Variants in FAM167A observed in about 807,000 individuals in gnomAD.
FAM167A encodes protein FAM167A.
A neutral mutation model predicts 14.9 loss-of-function variants in FAM167A; 23 were observed. The ratio of observed to expected loss-of-function variants is 1.55; its 90% confidence interval spans 1.11 to 2.19. The LOEUF is 2.19. Ranked by LOEUF, FAM167A falls within the 30% of genes most tolerant of loss-of-function variation. FAM167A has a pLI of 0.00. For missense variants in FAM167A, 401 were observed against 281.5 expected (o/e 1.42, Z -3.04); for synonymous variants, 174 against 117.7 (o/e 1.48, Z -3.10).
At chr8:11,475,573 T>C (rs1427279516) in intron 1 of FAM167A, among the ~76,000 whole-genome samples, 1 of 152,060 alleles carries the variant, frequency 6.6e-6, no homozygotes, top group East Asian at 1.9e-4. Flanking sequence ...ATCATACTCC[T>C]TCTGAACCTC....
intron 2 of FAM167A, among the ~76,000 whole-genome samples, chr8:11,429,356 A>G (rs895030468): frequency 6.6e-6 from 1 of 152,136 alleles, no homozygotes; most frequent in Admixed American, 6.5e-5. Context: ...AGTCGGGAGG[A>G]CGGCGGTTGC....
At chr8:11,428,293 A>T (rs1021870075) in intron 2 of FAM167A, among the ~76,000 whole-genome samples, 1 of 152,190 alleles carries the variant, frequency 6.6e-6, no homozygotes, top group African/African-American at 2.4e-5. Context: ...TGGCTGACAG[A>T]TCTGGTCAAA....
At chr8:11,450,482 A>C (rs1200444239) in intron 1 of FAM167A, among the ~76,000 whole-genome samples, 4 of 152,194 alleles carry the variant, frequency 2.6e-5, no homozygotes, top group African/African-American at 7.2e-5. Flanking sequence ...CAGAGCTTAT[A>C]AGTGGTGAAG....
chr8:11,425,308 G>A (rs1167281916), intron 2 of FAM167A, among the ~76,000 whole-genome samples: 1 of 152,120 alleles, frequency 6.6e-6, no homozygotes, highest in Admixed American at 6.5e-5. Context: ...TATAGAGGAG[G>A]ACACAGAGGC....
In FAM167A at chr8:11,442,357, C is replaced by T. The variant is rs140345397; in HGVS notation, c.381+1674G>A. Among the ~76,000 whole-genome samples the T allele has an allele frequency of 1.6e-3, 242 of 152,178 alleles. 1 individual carries two copies. Among genetic ancestry groups the T allele is most frequent in the African/African-American group, 5.6e-3 (233 of 41,504 alleles). ...TTCATTGGATTGGTCTTCGGTGTGG[C>T]GTAGGCTTTGGGAATCCTAAAAGCT... On this transcript the variant is annotated intron_variant, in intron 2 of 2. Coordinates refer to ENST00000284486, the MANE Select transcript of FAM167A (RefSeq NM_053279.3).
At chr8:11,471,674 G>A (rs1258071818), upstream of FAM167A, among the ~76,000 whole-genome samples, 2 of 152,162 alleles carry the variant, frequency 1.3e-5, no homozygotes, top group Non-Finnish European at 2.9e-5. Context: ...GGGCTGCCTG[G>A]GCTGGGTTTT....
intron 1 of FAM167A, among the ~76,000 whole-genome samples, chr8:11,464,369 C>T (rs1265032890): frequency 6.6e-6 from 1 of 152,144 alleles, no homozygotes; most frequent in Non-Finnish European, 1.5e-5. Context: ...TCAGACTCTA[C>T]AGGTGATTGC....
At chr8:11,454,895 T>G (rs1391038346) in intron 1 of FAM167A, among the ~76,000 whole-genome samples, 2 of 152,214 alleles carry the variant, frequency 1.3e-5, no homozygotes, top group Admixed American at 6.5e-5. Flanking sequence ...ACAGAGCTGC[T>G]GCCGGGAGCC....
chr8:11,424,466 G>A lies in FAM167A; in HGVS notation c.552C>T (p.Ser184=). The stretch of plus-strand genomic sequence containing the variant: ...AGAGGCTGAAGGAGGAGGCAAGAGG[G>A]GAGTCACAGAAGAGGTCGGCCAGCT... ...RDELADLFCD[S]PLASSFSLST... The change falls in exon 3 of 3, where the codon TCC becomes TCT. Residue 184 remains serine, a synonymous_variant. Coordinates refer to ENST00000284486, the MANE Select transcript of FAM167A (RefSeq NM_053279.3). 6.2e-7 allele frequency: 1 copy of A among 1,614,154 alleles called. No homozygotes were observed. The highest frequency in any genetic ancestry group is 8.5e-7 in the Non-Finnish European group (1 of 1,180,024).
At chr8:11,434,803 C>T in intron 2 of FAM167A, 1 of 342,928 alleles carries the variant, frequency 2.9e-6, no homozygotes, top group Non-Finnish European at 5.8e-6. Context: ...AGAGAGGATG[C>T]TGATCACCTT....
chr8:11,444,206 G>C lies in FAM167A; in HGVS notation c.206C>G (p.Ala69Gly). The C allele has an allele frequency of 6.2e-7, 1 of 1,612,844 alleles. No homozygotes were observed. The highest frequency in any genetic ancestry group is 8.5e-7 in the Non-Finnish European group (1 of 1,179,864). The stretch of plus-strand genomic sequence containing the variant: ...CCCACGCTCCCCCTCCTCCAAGCTC[G>C]CCTGTGGCTCCGCAGCCGGCCTCGG... ...PFPRPAAEPQ[A>G]SLEEGERGGQ... Residue 69 changes from alanine to glycine, a missense_variant, in exon 2 of 3, where the codon GCG becomes GGG. Transcript: ENST00000284486.
At position 11,422,641 on chromosome 8, in the gene FAM167A, C is replaced by T. The variant is rs1307625166; in HGVS notation, c.*1732G>A. ...CTCTTTGAAATTTTAAAAAAGAGAC[C>T]AAGTTCTTTTCTGTCTACTAGAGAT... On this transcript the variant is annotated 3_prime_UTR_variant, in exon 3 of 3. Coordinates refer to ENST00000284486, the MANE Select transcript of FAM167A (RefSeq NM_053279.3). The T allele has an allele frequency of 1.3e-5, 2 of 152,280 alleles. No individual in the cohort carries two copies. Among genetic ancestry groups the T allele is most frequent in the East Asian group, 1.9e-4 (1 of 5,182 alleles). 9.4% of individuals were successfully genotyped at this position (152,280 alleles called of 1,614,324 possible).
At chr8:11,463,756 GC>G (rs1283417193) in intron 1 of FAM167A, among the ~76,000 whole-genome samples, 1 of 152,210 alleles carries the variant, frequency 6.6e-6, no homozygotes, top group African/African-American at 2.4e-5. Flanking sequence ...CTTGGTCCAT[GC>G]CCCCAGTGGG....
intron 1 of FAM167A, among the ~76,000 whole-genome samples, chr8:11,465,554 T>A (rs943109902): frequency 6.6e-6 from 1 of 152,228 alleles, no homozygotes; most frequent in Non-Finnish European, 1.5e-5. Context: ...GCACAGCCCA[T>A]GGCTGCTTTC....
chr8:11,421,898 C>A lies in FAM167A; in HGVS notation c.*2475G>T. On this transcript the variant is annotated 3_prime_UTR_variant, in exon 3 of 3. Coordinates refer to ENST00000284486, the MANE Select transcript of FAM167A (RefSeq NM_053279.3). ...ATAGACCCACAGAGAGCAGGGACTT[C>A]ACAAAGCTGAATTAATGTGGTTAGT... 1 of 398,520 alleles carries A rather than the reference C, an allele frequency of 2.5e-6. No homozygotes were observed. Among genetic ancestry groups the A allele is most frequent in the South Asian group, 1.3e-4 (1 of 7,788 alleles). 24.7% of individuals were successfully genotyped at this position (398,520 alleles called of 1,614,324 possible).
chr8:11,451,031 G>T lies in FAM167A; in HGVS notation c.-397-6223C>A, dbSNP rs76233134. Among the ~76,000 whole-genome samples the T allele has an allele frequency of 2.0e-3, 302 of 152,364 alleles. 3 individuals are homozygous for T. Among genetic ancestry groups the T allele is most frequent in the Middle Eastern group, 0.017 (5 of 294 alleles). ...TCCTTGGAGTCCAGTGCAGGATGAG[G>T]TCATTTCCATCCAGCAGCTTCCTCC... On this transcript the variant is annotated intron_variant, in intron 1 of 2. Coordinates refer to ENST00000284486, the MANE Select transcript of FAM167A (RefSeq NM_053279.3).
chr8:11,452,506 A>G (rs1807066549), intron 1 of FAM167A, among the ~76,000 whole-genome samples: 1 of 152,120 alleles, frequency 6.6e-6, no homozygotes, highest in Non-Finnish European at 1.5e-5. Context: ...AGGCAGAAAG[A>G]GCATGAAGGA....
At chr8:11,424,989 T>A (rs1805034714) in intron 2 of FAM167A, among the ~76,000 whole-genome samples, 1 of 152,146 alleles carries the variant, frequency 6.6e-6, no homozygotes, top group Admixed American at 6.5e-5. Context: ...GCTATCAAAT[T>A]CAGGAGGATG....
At chr8:11,459,182 C>G (rs75326686) in intron 1 of FAM167A, among the ~76,000 whole-genome samples, 2,562 of 152,130 alleles carry the variant, frequency 0.017, 77 homozygotes, top group African/African-American at 0.059. Context: ...TGTGCAATAT[C>G]TAGTTTAGCC....
Sources: allele counts gnomAD v4.1 joint callset (sites outside exome capture counted in the v4.1 genomes callset), GRCh38; gene constraint gnomAD v4.1.1; transcripts MANE v1.5; gene names NCBI Gene and HGNC (gene_info 2026-07-23, HGNC 2026-07-21).